The following PTPRT variants were observed in gnomAD, a reference collection of about 807,000 sequenced individuals.
PTPRT encodes receptor-type tyrosine-protein phosphatase T.
Under a neutral mutation model 176.8 loss-of-function variants are expected in PTPRT, and 56 were observed. That is an observed-to-expected ratio of 0.32 (90% CI 0.26 to 0.40). The LOEUF is 0.40. Ranked by LOEUF, PTPRT falls within the 10% of genes least tolerant of loss-of-function variation. PTPRT has a pLI of 1.00. For synonymous variants in PTPRT, 783 were observed against 739.0 expected, an observed-to-expected ratio of 1.06 and a Z score of -0.96; for missense variants, 1,540 against 1,908.2, an observed-to-expected ratio of 0.81 and a Z score of 3.60.
intron 7 of PTPRT, among the ~76,000 whole-genome samples, chr20:42,506,761 G>A (rs185630827): frequency 6.6e-6 from 1 of 152,176 alleles, no homozygotes; most frequent in East Asian, 1.9e-4. Context: ...TTTGTGTAAG[G>A]TTACAGAATC....
At chr20:42,118,560 G>A in intron 20 of PTPRT, 60 bp from the exon 21 acceptor site, 3 of 1,473,786 alleles carry the variant, frequency 2.0e-6, no homozygotes, top group Middle Eastern at 1.8e-4. Flanking sequence ...AGCTGAGAAG[G>A]TTTGTCCCCC....
intron 1 of PTPRT, among the ~76,000 whole-genome samples, chr20:42,912,311 G>A (rs1416571585): frequency 1.3e-5 from 2 of 152,234 alleles, no homozygotes; most frequent in Admixed American, 6.5e-5. Flanking sequence ...AATATTAGGT[G>A]AGGTTGAATG....
intron 1 of PTPRT, among the ~76,000 whole-genome samples, chr20:43,028,436 C>T (rs1018158042): frequency 5.9e-5 from 9 of 152,194 alleles, no homozygotes; most frequent in African/African-American, 1.7e-4. Flanking sequence ...CTCTCTTCCT[C>T]GACCTAGTTC....
intron 15 of PTPRT, among the ~76,000 whole-genome samples, chr20:42,226,797 T>C (rs907173794): frequency 3.9e-5 from 6 of 152,090 alleles, no homozygotes. Flanking sequence ...AAAAGGGTAT[T>C]GCTACGGTCT....
intron 1 of PTPRT, among the ~76,000 whole-genome samples, chr20:43,110,658 G>GT (rs2012816910): frequency 6.6e-6 from 1 of 152,128 alleles, no homozygotes; most frequent in African/African-American, 2.4e-5. Context: ...TGTATATATG[G>GT]TTTTTTCAGT....
chr20:42,269,707 T>C (rs189485864), intron 13 of PTPRT, among the ~76,000 whole-genome samples: 1 of 152,312 alleles, frequency 6.6e-6, no homozygotes. Context: ...TCGATGTCTA[T>C]TATCTTGTTT....
chr20:42,558,913 A>C (rs1288878570), intron 7 of PTPRT, among the ~76,000 whole-genome samples: 1 of 152,102 alleles, frequency 6.6e-6, no homozygotes, highest in Non-Finnish European at 1.5e-5. Context: ...AGAATTCTCC[A>C]TGTGAAGGAG....
At chr20:42,319,198 C>T (rs768059831) in intron 11 of PTPRT, among the ~76,000 whole-genome samples, 1 of 151,952 alleles carries the variant, frequency 6.6e-6, no homozygotes, top group African/African-American at 2.4e-5. Flanking sequence ...TCAAGTGATT[C>T]ATGAGGGTCA....
intron 1 of PTPRT, among the ~76,000 whole-genome samples, chr20:43,014,799 T>C (rs1346864483): frequency 6.6e-6 from 1 of 152,216 alleles, no homozygotes; most frequent in Admixed American, 6.5e-5. Context: ...AGAGGATTCA[T>C]TTCAGACTAA....
rs192713027 is a variant in PTPRT at position 42,943,322 on chromosome 20, C to T, written c.89-57390G>A. On this transcript the variant is annotated intron_variant, in intron 1 of 30. Coordinates refer to ENST00000373187, the MANE Select transcript of PTPRT (RefSeq NM_007050.6). ...CATCAGCTCCTGGAAGTGACCCATC[C>T]GCTCTAAAGCCAACCATTTTTGGGG... is the stretch of plus-strand genomic sequence containing the variant. 2.4e-4 allele frequency among the ~76,000 whole-genome samples: 37 copies of T among 152,326 alleles called. 1 individual carries two copies. The highest frequency in any genetic ancestry group is 7.7e-4 in the African/African-American group (32 of 41,588).
At chr20:42,739,416 A>G (rs559024480) in intron 6 of PTPRT, among the ~76,000 whole-genome samples, 3 of 152,308 alleles carry the variant, frequency 2.0e-5, no homozygotes, top group African/African-American at 7.2e-5. Flanking sequence ...AGGAGGGACT[A>G]TCAGTAGCAG....
intron 13 of PTPRT, among the ~76,000 whole-genome samples, chr20:42,271,478 T>C (rs1445244622): frequency 6.6e-6 from 1 of 152,200 alleles, no homozygotes; most frequent in African/African-American, 2.4e-5. Context: ...GTATTAGAAA[T>C]GGATGCCTTC....
intron 1 of PTPRT, among the ~76,000 whole-genome samples, chr20:42,977,932 G>A (rs1306083160): frequency 6.6e-6 from 1 of 152,046 alleles, no homozygotes; most frequent in Non-Finnish European, 1.5e-5. Context: ...TTATCCACAG[G>A]AACTATGTTC....
At chr20:42,419,025 T>C (rs2059092207) in intron 9 of PTPRT, among the ~76,000 whole-genome samples, 1 of 152,132 alleles carries the variant, frequency 6.6e-6, no homozygotes, top group African/African-American at 2.4e-5. Flanking sequence ...TAATGAGTGT[T>C]GAAGAAACAC....
chr20:43,110,931 C>T (rs2012830572), intron 1 of PTPRT, among the ~76,000 whole-genome samples: 1 of 152,188 alleles, frequency 6.6e-6, no homozygotes, highest in African/African-American at 2.4e-5. Flanking sequence ...AGTGACGAGG[C>T]AGCACCAACT....
chr20:42,426,464 C>T (rs2059164984), intron 9 of PTPRT, among the ~76,000 whole-genome samples: 1 of 152,168 alleles, frequency 6.6e-6, no homozygotes, highest in Non-Finnish European at 1.5e-5. Context: ...GCCACCTCCA[C>T]CATACAATAA....
chr20:42,926,912 T>C (rs1051718335), intron 1 of PTPRT, among the ~76,000 whole-genome samples: 1 of 151,852 alleles, frequency 6.6e-6, no homozygotes, highest in South Asian at 2.1e-4. Context: ...CAGATGGGGG[T>C]CACTTCAACT....
intron 11 of PTPRT, among the ~76,000 whole-genome samples, chr20:42,342,298 T>C (rs1003113744): frequency 1.3e-5 from 2 of 152,198 alleles, no homozygotes; most frequent in African/African-American, 4.8e-5. Context: ...TCTTCATATA[T>C]CTGGCTTCTC....
At chr20:42,574,396 T>G (rs2073220051) in intron 7 of PTPRT, among the ~76,000 whole-genome samples, 1 of 152,158 alleles carries the variant, frequency 6.6e-6, no homozygotes, top group Non-Finnish European at 1.5e-5. Flanking sequence ...AAGATGCCAC[T>G]TAATAACTTT....
Sources: allele counts gnomAD v4.1 joint callset (sites outside exome capture counted in the v4.1 genomes callset), GRCh38; gene constraint gnomAD v4.1.1; transcripts MANE v1.5; gene names NCBI Gene and HGNC (gene_info 2026-07-23, HGNC 2026-07-21).